PLEKHG5: variants seen among roughly 807,000 people sequenced by gnomAD.
PLEKHG5 encodes pleckstrin homology and RhoGEF domain containing G5, also known as pleckstrin homology domain-containing family G member 5.
In PLEKHG5, 52 loss-of-function variants were observed where a neutral mutation model predicts 103.8. That is an observed-to-expected ratio of 0.50 (90% CI 0.40 to 0.63). The LOEUF (loss-of-function observed/expected upper bound fraction) is 0.63. Ranked by LOEUF, PLEKHG5 falls within the 30% of genes least tolerant of loss-of-function variation. PLEKHG5 has a pLI of 0.00. For synonymous variants in PLEKHG5, 592 were observed against 575.5 expected (o/e 1.03, Z -0.41); for missense variants, 1,205 against 1,347.6 (o/e 0.89, Z 1.66).
In PLEKHG5 at chr1:6,487,885, G is replaced by A. The variant is rs1375583742; in HGVS notation, c.-88+3752C>T. On this transcript the variant is annotated intron_variant, in intron 1 of 20. Transcript: ENST00000377728. This position sits in a 1 kb window ranked among gnomAD's most constrained non-coding sequence, Gnocchi z 4.1. ...AACAGTCCTGGTGCACAGTAGGTGC[G>A]CTTGGTGGGGATGAGATCAGTGAAC... Among the ~76,000 whole-genome samples, 3 of 152,224 alleles carry A rather than the reference G, an allele frequency of 2.0e-5. No homozygotes were observed. The highest frequency in any genetic ancestry group is 7.2e-5 in the African/African-American group (3 of 41,456).
Position 6,491,334 on chromosome 1 carries a change from G to A in PLEKHG5, c.-88+303C>T, listed in dbSNP as rs1470908099. 6.6e-6 allele frequency among the ~76,000 whole-genome samples: 1 copy of A among 152,118 alleles called. No homozygotes were observed. The highest frequency in any genetic ancestry group is 2.4e-5 in the African/African-American group (1 of 41,396). Reference sequence around the variant, plus strand: ...ACCCCTTCCCAGGCCAAAACCTCCAGACTGCCCCACACAACCCTTGGGGCT... The same window carrying A: ...ACCCCTTCCCAGGCCAAAACCTCCAAACTGCCCCACACAACCCTTGGGGCT... On this transcript the variant is annotated intron_variant, in intron 1 of 20. Transcript: ENST00000377728. The surrounding 1 kb of genome is among the most constrained non-coding windows in gnomAD (Gnocchi z 4.1).
intron 1 of PLEKHG5, among the ~76,000 whole-genome samples, chr1:6,481,509 G>A (rs1644898415): frequency 7.1e-6 from 1 of 141,650 alleles, no homozygotes; most frequent in Non-Finnish European, 1.5e-5. Flanking sequence ...CCAGCCTGGG[G>A]CAAAACTCCG....
chr1:6,475,540 G>A lies in PLEKHG5; in HGVS notation c.150-18C>T. 1 of 1,611,508 alleles carries A rather than the reference G, an allele frequency of 6.2e-7. No homozygotes were observed. The highest frequency in any genetic ancestry group is 8.5e-7 in the Non-Finnish European group (1 of 1,178,736). Reference sequence around the variant, plus strand: ...TCCGGTCCCTGCAGGGAAGCGAGGAGGGCAGAGGCTGGAGGTGTGGGTGGC... The same window carrying A: ...TCCGGTCCCTGCAGGGAAGCGAGGAAGGCAGAGGCTGGAGGTGTGGGTGGC... On this transcript the variant is annotated intron_variant, in intron 3 of 20. Coordinates refer to ENST00000377728, the MANE Select transcript of PLEKHG5 (RefSeq NM_020631.6).
At chr1:6,471,369 G>C in intron 12 of PLEKHG5, 119 bp downstream of exon 12, 1 of 1,197,946 alleles carries the variant, frequency 8.3e-7, no homozygotes, top group Non-Finnish European at 1.2e-6. Flanking sequence ...AAGGGGTCAA[G>C]TGCGGTTACG....
Position 6,474,722 on chromosome 1 carries a change from C to G in PLEKHG5, c.303-135G>C. On this transcript the variant is annotated intron_variant, in intron 5 of 20. Transcript: ENST00000377728. ...CTTCCCAACGGAAAAGGGAAGCCCG[C>G]ATGGGATCACACGCAGGTCCACAGA... The G allele has an allele frequency of 4.6e-6, 4 of 874,158 alleles. No individual in the cohort carries two copies. The South Asian group carries it at 5.8e-5, about 13-fold the overall frequency. 54.2% of individuals were successfully genotyped at this position (874,158 alleles called of 1,614,324 possible).
chr1:6,508,363 G>T (rs975844740), intron 1 of PLEKHG5, among the ~76,000 whole-genome samples: 1 of 152,146 alleles, frequency 6.6e-6, no homozygotes, highest in African/African-American at 2.4e-5. Flanking sequence ...TCCCACCTTC[G>T]CTTGTGCTGT....
chr1:6,467,709 G>A (rs1644424377), intron 20 of PLEKHG5, 116 bp downstream of exon 20: 2 of 1,480,612 alleles, frequency 1.4e-6, no homozygotes, highest in Admixed American at 3.4e-5. Flanking sequence ...CAGACACTGG[G>A]CAGGGTTCAG....
chr1:6,509,244 C>T (rs959679085), intron 1 of PLEKHG5, among the ~76,000 whole-genome samples: 2 of 152,246 alleles, frequency 1.3e-5, no homozygotes, highest in African/African-American at 2.4e-5. Context: ...GCCTCTCGTC[C>T]CACCTCTGGT....
intron 1 of PLEKHG5, among the ~76,000 whole-genome samples, chr1:6,508,953 C>T (rs1040379369): frequency 3.3e-5 from 5 of 152,324 alleles, no homozygotes; most frequent in African/African-American, 1.2e-4. Context: ...CACTGCCCAC[C>T]CCGCTCTAGG....
intron 4 of PLEKHG5, 104 bp from the exon 5 acceptor site, chr1:6,475,242 CA>C (rs1644729897): frequency 4.2e-6 from 3 of 707,990 alleles, no homozygotes; most frequent in East Asian, 2.7e-5. Context: ...CCCTCCTCCC[CA>C]CCCTCCTTCC....
At chr1:6,515,547 T>C (rs781102459) in intron 1 of PLEKHG5, among the ~76,000 whole-genome samples, 1 of 150,894 alleles carries the variant, frequency 6.6e-6, no homozygotes, top group Non-Finnish European at 1.5e-5. Flanking sequence ...ATGTATGAGG[T>C]TGGGCATGGT....
At chr1:6,494,561 GC>G (rs1184550930), upstream of PLEKHG5, among the ~76,000 whole-genome samples, 2 of 152,130 alleles carry the variant, frequency 1.3e-5, no homozygotes, top group African/African-American at 2.4e-5. Flanking sequence ...ACCACACCCA[GC>G]CAGTAGTGGT....
rs555676633 is a variant in PLEKHG5 at position 6,505,937 on chromosome 1, G to A, written c.-164-9368C>T. ...TGGAGCAAGTGACTGTCAGCAGCAT[G>A]TGTGTGTGAATGGGCTACAGGCCCT... On this transcript the variant is annotated intron_variant, in intron 1 of 21. Transcript: ENST00000377740. This position sits in a 1 kb window ranked among gnomAD's most constrained non-coding sequence, Gnocchi z 4.2. 6.5e-6 allele frequency: 1 copy of A among 152,712 alleles called. No individual in the cohort carries two copies. The highest frequency in any genetic ancestry group is 2.1e-4 in the South Asian group (1 of 4,830). The allele number at this position is 152,712 out of a possible 1,614,324, so 9.5% of individuals were successfully genotyped here. A position where few individuals can be genotyped will look rare whatever the true frequency, so the allele number is the denominator to read the frequency against.
upstream of PLEKHG5, chr1:6,497,442 G>A (rs1645244911): frequency 3.1e-6 from 2 of 641,922 alleles, no homozygotes; most frequent in South Asian, 6.9e-5. This position sits in a 1 kb window ranked among gnomAD's most constrained non-coding sequence, Gnocchi z 6.1. Context: ...GGGCGGGGCA[G>A]GTGGGCGGGG....
At chr1:6,497,139 G>A (rs1344304279), upstream of PLEKHG5, 1 of 1,094,768 alleles carries the variant, frequency 9.1e-7, no homozygotes, top group Non-Finnish European at 1.3e-6. This position sits in a 1 kb window ranked among gnomAD's most constrained non-coding sequence, Gnocchi z 6.1. Flanking sequence ...GGGGAGGGAG[G>A]AGAAGCGGGG....
chr1:6,517,306 CAA>C (rs779260887), intron 1 of PLEKHG5, among the ~76,000 whole-genome samples: 4,541 of 62,302 alleles, frequency 0.073, 224 homozygotes, highest in African/African-American at 0.18. Flanking sequence ...GACTCCATCT[CAA>C]AAAAAAAAAA....
At chr1:6,477,351 C>G (rs116767674) in intron 2 of PLEKHG5, among the ~76,000 whole-genome samples, 178 bp downstream of exon 2, 2 of 152,200 alleles carry the variant, frequency 1.3e-5, no homozygotes, top group Non-Finnish European at 2.9e-5. Context: ...GGAAGGGGCA[C>G]GCTCATGGAC....
At chr1:6,469,800 G>A in intron 16 of PLEKHG5, 124 bp from the exon 17 acceptor site, 1 of 834,732 alleles carries the variant, frequency 1.2e-6, no homozygotes, top group Non-Finnish European at 1.9e-6. Context: ...GAACCTTCAA[G>A]TAAAATTAAA....
chr1:6,493,148 C>T (rs558535328), upstream of PLEKHG5, among the ~76,000 whole-genome samples: 2 of 152,286 alleles, frequency 1.3e-5, no homozygotes, highest in Admixed American at 6.5e-5. Flanking sequence ...AATAAAACAT[C>T]AAGGGTGGGC....
Sources: gnomAD v4.1 joint callset for allele counts (sites outside exome capture counted in the v4.1 genomes callset) on GRCh38, gnomAD v4.1.1 for gene constraint, Gnocchi (gnomAD v3.1) non-coding constraint, MANE v1.5 for transcripts, NCBI Gene and HGNC (gene_info 2026-07-23, HGNC 2026-07-21) for gene names.